Variants in CEP350 observed in about 807,000 individuals in gnomAD.
CEP350 encodes the protein centrosome-associated protein 350.
Under a neutral mutation model 331.8 loss-of-function variants are expected in CEP350, and 126 were observed. That is an observed-to-expected ratio of 0.38 (90% confidence interval 0.33 to 0.44). The LOEUF (loss-of-function observed/expected upper bound fraction) is 0.44. CEP350 is among the 20% of genes least tolerant of loss of function. CEP350 has a pLI of 1.00. For missense variants in CEP350, 3,406 were observed against 3,634.6 expected (o/e 0.94, Z 1.62); for synonymous variants, 1,200 against 1,259.5 (o/e 0.95, Z 1.00).
chr1:180,040,079 A>C (rs1656659261), intron 17 of CEP350, among the ~76,000 whole-genome samples: 1 of 151,486 alleles, frequency 6.6e-6, no homozygotes, highest in Non-Finnish European at 1.5e-5. Flanking sequence ...AAGACCCGTC[A>C]GACAGTTCTT....
Position 180,065,132 on chromosome 1 carries a change from T to C in CEP350, c.5427T>C (p.Asp1809=). The C allele has an allele frequency of 6.2e-7, 1 of 1,606,462 alleles. No individual in the cohort carries two copies. The highest frequency in any genetic ancestry group is 2.2e-5 in the East Asian group (1 of 44,694). ...GTTTGCAGGACTCTCATAGTGATGATGATACAAAGGATAATAAGGCAACCA... is the reference window on the plus strand; with the variant it reads ...GTTTGCAGGACTCTCATAGTGATGACGATACAAAGGATAATAAGGCAACCA... ...GESKLDSHSD[D]DTKDNKATSP... Residue 1809 remains aspartate (D), a synonymous_variant, in exon 27 of 38, where the codon GAT becomes GAC. Transcript: ENST00000367607.
intron 11 of CEP350, among the ~76,000 whole-genome samples, chr1:180,016,659 TG>T (rs1476592264): frequency 0.013 from 1,359 of 101,494 alleles, 23 homozygotes; most frequent in African/African-American, 0.041. Context: ...TTTTGGGTTA[TG>T]TTTTTTTTTT....
Position 179,971,121 on chromosome 1 carries a change from C to T in CEP350, c.-13-15048C>T, listed in dbSNP as rs528697747. On this transcript the variant is annotated intron_variant, in intron 1 of 37. Transcript: ENST00000367607. ...TCGGCTCATTGCAACCTCTGCCTCC[C>T]GGGTTTAAGCAATTCTCCTGCTTTA... Among the ~76,000 whole-genome samples the T allele has an allele frequency of 4.0e-5, 6 of 151,644 alleles. No homozygotes were observed. In the South Asian group the frequency reaches 8.3e-4, roughly 21 times the overall value.
chr1:180,094,815 G>A (rs1660387423), intron 34 of CEP350, among the ~76,000 whole-genome samples, 199 bp downstream of exon 34: 1 of 151,966 alleles, frequency 6.6e-6, no homozygotes, highest in South Asian at 2.1e-4. Flanking sequence ...AAGTGTAATT[G>A]TCCTCTATTA....
chr1:180,101,898 T>A, intron 37 of CEP350, among the ~76,000 whole-genome samples: 1 of 152,138 alleles, frequency 6.6e-6, no homozygotes, highest in East Asian at 1.9e-4. Flanking sequence ...GCACAGAACT[T>A]CCATGCCTTC....
At chr1:180,070,946 G>A (rs1324650452) in intron 27 of CEP350, among the ~76,000 whole-genome samples, 7 of 151,198 alleles carry the variant, frequency 4.6e-5, no homozygotes, top group Admixed American at 6.6e-5. Context: ...TCAGGAGATC[G>A]AGACCAACCT....
chr1:180,064,974 T>C (rs906299738), intron 26 of CEP350, 141 bp from the exon 27 acceptor site: 162 of 794,936 alleles, frequency 2.0e-4, no homozygotes, highest in Non-Finnish European at 5.5e-5. Context: ...GTGTGTGATA[T>C]ATTTTGTCCT....
intron 16 of CEP350, among the ~76,000 whole-genome samples, chr1:180,035,028 A>G (rs1656259045): frequency 6.6e-6 from 1 of 152,228 alleles, no homozygotes; most frequent in African/African-American, 2.4e-5. Context: ...GAAGGAAATG[A>G]AAGGTATCAC....
In CEP350 at chr1:180,113,966, A is replaced by G. The variant is rs1377088480; in HGVS notation, c.*2805A>G. On this transcript the variant is annotated 3_prime_UTR_variant, in exon 38 of 38. Coordinates refer to ENST00000367607, the MANE Select transcript of CEP350 (RefSeq NM_014810.5). ...ACTCTGGGTTAAACAAGTACAGGGT[A>G]TAGATTCCCTCTTCAGGTCTACACA... The G allele has an allele frequency of 6.6e-6, 1 of 152,622 alleles. No homozygotes were observed. Among genetic ancestry groups the G allele is most frequent in the Non-Finnish European group, 1.5e-5 (1 of 68,036 alleles). 9.5% of individuals were successfully genotyped at this position (152,622 alleles called of 1,614,324 possible).
chr1:180,012,377 G>T (rs1654715683), intron 9 of CEP350, among the ~76,000 whole-genome samples: 1 of 152,162 alleles, frequency 6.6e-6, no homozygotes, highest in African/African-American at 2.4e-5. Flanking sequence ...GAGAGAATCA[G>T]GTCCAACCTG....
At chr1:180,109,949 C>A (rs1311206057) in intron 37 of CEP350, among the ~76,000 whole-genome samples, 1 of 152,144 alleles carries the variant, frequency 6.6e-6, no homozygotes, top group East Asian at 1.9e-4. Context: ...TAATGCGTTT[C>A]TTTTAGAATA....
rs563878580 is a variant in CEP350 at position 180,062,156 on chromosome 1, T to A, written c.5263-64T>A. ...TTAATATATGTGCTGATTTTTTTTT[T>A]AAATATTACTTTGGCCTTGTCTTCT... On this transcript the variant is annotated intron_variant, in intron 25 of 37. Transcript: ENST00000367607. The A allele has an allele frequency of 3.4e-4, 464 of 1,353,840 alleles. 1 individual carries two copies. Among genetic ancestry groups the A allele is most frequent in the African/African-American group, 5.7e-4 (38 of 66,856 alleles). 83.9% of individuals were successfully genotyped at this position (1,353,840 alleles called of 1,614,324 possible). A position where few individuals can be genotyped will look rare whatever the true frequency, so the allele number is the denominator to read the frequency against.
In CEP350 at chr1:180,096,083, G is replaced by A. The variant is rs1416109912; in HGVS notation, c.8965G>A (p.Glu2989Lys). ...AGAGATTTTTGAGGAAATATTTGCTGAGGATCCCAACTTAAATCAACCTGT... is the reference window on the plus strand; with the variant it reads ...AGAGATTTTTGAGGAAATATTTGCTAAGGATCCCAACTTAAATCAACCTGT... ...TKEIFEEIFA[E>K]DPNLNQPVWM... The change falls in exon 36 of 38, where the codon GAG (glutamate) becomes AAG (lysine). Residue 2989 changes from glutamate (E) to lysine (K), a missense_variant. Glu to Lys is a moderately conservative substitution (Grantham distance 56). This residue lies in a region of CEP350 where 1,415 missense variants were observed against 1,512.3 expected (regional missense o/e 0.94). Coordinates refer to ENST00000367607, the MANE Select transcript of CEP350 (RefSeq NM_014810.5). 3 of 1,554,868 alleles carry A rather than the reference G, an allele frequency of 1.9e-6. No individual in the cohort carries two copies. Among genetic ancestry groups the A allele is most frequent in the Non-Finnish European group, 2.6e-6 (3 of 1,148,274 alleles).
Position 180,025,098 on chromosome 1 carries a change from GT to G in CEP350, c.3550+517del, listed in dbSNP as rs1206234729. On this transcript the variant is annotated intron_variant, in intron 14 of 37. Transcript: ENST00000367607. ...CGCCACCGCACCCAGCTAATTTTTTGTATTTTTAGTAGAGACGGGGTTTCAC... is the reference window on the plus strand; with the variant it reads ...CGCCACCGCACCCAGCTAATTTTTTGATTTTTAGTAGAGACGGGGTTTCAC... 7.9e-5 allele frequency among the ~76,000 whole-genome samples: 12 copies of G among 151,984 alleles called. No homozygotes were observed. In the East Asian group the frequency reaches 2.3e-3, roughly 29 times the overall value.
At position 180,043,059 on chromosome 1, in the gene CEP350, G is replaced by T. The variant is rs1420517220; in HGVS notation, c.4366G>T (p.Ala1456Ser). 3.1e-6 allele frequency: 5 copies of T among 1,611,338 alleles called. No individual in the cohort carries two copies. The highest frequency in any genetic ancestry group is 4.5e-5 in the East Asian group (2 of 44,744). ...TDAARQICEM[A>S]ELTRTHISDA... ...TCTTGTGTGTGTTCATGTTTAGATG[G>T]CAGAGTTGACTAGAACTCATATCTC... The change falls in exon 20 of 38, where the codon GCA (alanine) becomes TCA (serine). Residue 1456 changes from alanine to serine, a missense_variant. Physicochemically the swap from Ala to Ser is moderately conservative, Grantham distance 99. Coordinates refer to ENST00000367607, the MANE Select transcript of CEP350 (RefSeq NM_014810.5).
chr1:180,059,918 A>G (rs1658090562), intron 25 of CEP350, among the ~76,000 whole-genome samples: 1 of 152,186 alleles, frequency 6.6e-6, no homozygotes, highest in African/African-American at 2.4e-5. Flanking sequence ...AAGTGTGTCA[A>G]CATTTAGAAA....
chr1:180,033,804 A>T, intron 15 of CEP350, 58 bp from the exon 16 acceptor site: 1 of 1,507,950 alleles, frequency 6.6e-7, no homozygotes, highest in South Asian at 1.2e-5. Context: ...TGAATTATTT[A>T]GCTGGTTTAC....
At position 180,084,309 on chromosome 1, in the gene CEP350, CTT is replaced by C. The variant is rs1313725041; in HGVS notation, c.6285+132_6285+133del. On this transcript the variant is annotated intron_variant, in intron 31 of 37. Coordinates refer to ENST00000367607, the MANE Select transcript of CEP350 (RefSeq NM_014810.5). ...TTAGTGTGGTGCCACATTTTATTCT[CTT>C]AAAAAAAATCTGAGGGTATCCAAGG... The C allele has an allele frequency of 3.6e-6, 3 of 826,864 alleles. No individual in the cohort carries two copies. In the East Asian group the frequency reaches 9.7e-5, roughly 27 times the overall value. The allele number at this position is 826,864 out of a possible 1,614,324, so 51.2% of individuals were successfully genotyped here.
chr1:179,992,087 G>A lies in CEP350; in HGVS notation c.261G>A (p.Trp87Ter). 6.5e-7 allele frequency: 1 copy of A among 1,550,132 alleles called. No individual in the cohort carries two copies. Among genetic ancestry groups the A allele is most frequent in the South Asian group, 1.2e-5 (1 of 80,766 alleles). The change falls in exon 5 of 38, where the codon TGG becomes TGA. Residue 87 changes from tryptophan (W) to a stop codon, truncating the protein, a stop_gained. Transcript: ENST00000367607. LOFTEE classifies it high-confidence loss of function. ...ATGGTAGATACCTGGATGATTCTTG[G>A]GTTAATGCTCCAATCTCCAAATCCA... ...RKDGRYLDDS[W>*]VNAPISKSTK...
Sources: gnomAD v4.1 joint callset for allele counts (sites outside exome capture counted in the v4.1 genomes callset) on GRCh38, gnomAD v4.1.1 for gene constraint, gnomAD v4.1.1 regional missense constraint, MANE v1.5 for transcripts, NCBI Gene and HGNC (gene_info 2026-07-23, HGNC 2026-07-21) for gene names.